Variants in SLC14A2 observed in about 807,000 individuals in gnomAD.
SLC14A2 encodes the protein solute carrier family 14 member 2.
In SLC14A2, 91 loss-of-function variants were observed where a neutral mutation model predicts 104.6. The ratio of observed to expected loss-of-function variants is 0.87; its 90% CI spans 0.73 to 1.04. The LOEUF (loss-of-function observed/expected upper bound fraction) is 1.04. Ranked by LOEUF, SLC14A2 falls within the 50% of genes least tolerant of loss-of-function variation. SLC14A2 has a pLI of 0.00. For synonymous variants in SLC14A2, 476 were observed against 466.4 expected, an observed-to-expected ratio of 1.02 and a Z score of -0.27; for missense variants, 1,189 against 1,156.0, an observed-to-expected ratio of 1.03 and a Z score of -0.41.
chr18:45,445,270 C>A (rs1483139317), intron 1 of SLC14A2, among the ~76,000 whole-genome samples: 1 of 152,000 alleles, frequency 6.6e-6, no homozygotes, highest in Non-Finnish European at 1.5e-5. Context: ...CACCACCATG[C>A]CTGGCTAATT....
At chr18:45,670,467 C>T (rs2046112839) in intron 16 of SLC14A2, among the ~76,000 whole-genome samples, 1 of 152,174 alleles carries the variant, frequency 6.6e-6, no homozygotes, top group Admixed American at 6.5e-5. Context: ...GGCGCTCACT[C>T]TGAGACTTCG....
At position 45,343,045 on chromosome 18, in the gene SLC14A2, G is replaced by A. The variant is rs1479076481; in HGVS notation, c.-125+129854G>A. Among the ~76,000 whole-genome samples the A allele has an allele frequency of 6.6e-5, 10 of 152,190 alleles. No individual in the cohort carries two copies. The East Asian group carries it at 1.4e-3, about 21-fold the overall frequency. On this transcript the variant is annotated intron_variant, in intron 1 of 20. Coordinates refer to the SLC14A2 transcript ENST00000586448. ...ATGAGTTGCCAAGACTAGCAGTAGC[G>A]GGAGGCCAGAAAACTGGATAGAGGA... is the stretch of plus-strand genomic sequence containing the variant.
At chr18:45,223,701 C>T (rs1329705880) in intron 1 of SLC14A2, among the ~76,000 whole-genome samples, 1 of 152,182 alleles carries the variant, frequency 6.6e-6, no homozygotes, top group African/African-American at 2.4e-5. Flanking sequence ...GGTGCCCTCT[C>T]CTAGCTCCCT....
In SLC14A2 at chr18:45,514,143, T is replaced by C. The variant is rs1254321791; in HGVS notation, c.-35+30821T>C. ...CCATTCTTACACTGCTATAAAGACA[T>C]GCCTGAGACTGGGTAATTTACAAGG... On this transcript the variant is annotated intron_variant, in intron 2 of 20. Coordinates refer to the SLC14A2 transcript ENST00000586448. Among the ~76,000 whole-genome samples, 4 of 152,192 alleles carry C rather than the reference T, an allele frequency of 2.6e-5. No homozygotes were observed. The South Asian group carries it at 8.3e-4, about 32-fold the overall frequency.
chr18:45,230,915 T>G (rs2084168258), intron 1 of SLC14A2, among the ~76,000 whole-genome samples: 1 of 152,228 alleles, frequency 6.6e-6, no homozygotes, highest in South Asian at 2.1e-4. Context: ...TTTGAGTTAA[T>G]ACCTCAGGCA....
In SLC14A2 at chr18:45,284,865, G is replaced by A. The variant is rs2084797817; in HGVS notation, c.-125+71674G>A. ...TGATGAGGGAAGAGACAGAGGGAAA[G>A]GGAAAGAAACATTCAGAAGAGGAGG... On this transcript the variant is annotated intron_variant, in intron 1 of 20. Coordinates refer to the SLC14A2 transcript ENST00000586448. 2.0e-5 allele frequency among the ~76,000 whole-genome samples: 3 copies of A among 152,300 alleles called. No homozygotes were observed. The South Asian group carries it at 6.2e-4, about 32-fold the overall frequency.
chr18:45,663,985 C>A, intron 11 of SLC14A2, 78 bp downstream of exon 11: 1 of 1,441,292 alleles, frequency 6.9e-7, no homozygotes. Flanking sequence ...GCAATACCTA[C>A]TTCACAGGGT....
At chr18:45,332,252 G>A (rs555979800) in intron 1 of SLC14A2, among the ~76,000 whole-genome samples, 1 of 152,002 alleles carries the variant, frequency 6.6e-6, no homozygotes, top group African/African-American at 2.4e-5. Flanking sequence ...ACCAACTGTG[G>A]ATCAAAAATA....
intron 1 of SLC14A2, among the ~76,000 whole-genome samples, chr18:45,389,181 C>T (rs868256143): frequency 6.6e-6 from 1 of 152,184 alleles, no homozygotes; most frequent in Non-Finnish European, 1.5e-5. Flanking sequence ...TTCTGACCAG[C>T]TATTGGGCTG....
At chr18:45,175,017 C>T in the SLC14A2 span, among the ~76,000 whole-genome samples, 2 of 152,106 alleles carry the variant, frequency 1.3e-5, no homozygotes, top group South Asian at 4.1e-4. Flanking sequence ...TTAGACATTG[C>T]TGGTGGGAAT....
At chr18:45,463,815 C>A (rs968509178) in intron 1 of SLC14A2, among the ~76,000 whole-genome samples, 1 of 152,152 alleles carries the variant, frequency 6.6e-6, no homozygotes, top group African/African-American at 2.4e-5. Flanking sequence ...CATGGCAGAC[C>A]CTTGGCAAAA....
At chr18:45,444,428 A>G (rs2086730731) in intron 1 of SLC14A2, among the ~76,000 whole-genome samples, 1 of 152,222 alleles carries the variant, frequency 6.6e-6, no homozygotes, top group Admixed American at 6.5e-5. Context: ...ATTCTGCTGA[A>G]TTCTGTCATG....
chr18:45,289,087 A>G (rs2084843943), intron 1 of SLC14A2, among the ~76,000 whole-genome samples: 1 of 152,210 alleles, frequency 6.6e-6, no homozygotes, highest in Admixed American at 6.5e-5. Flanking sequence ...AGCCACCTCA[A>G]CAAGAACAGC....
At chr18:45,199,405 C>T in the SLC14A2 span, among the ~76,000 whole-genome samples, 1 of 152,038 alleles carries the variant, frequency 6.6e-6, no homozygotes, top group African/African-American at 2.4e-5. Context: ...CTGTTAATTT[C>T]TCTGTCATTT....
chr18:45,587,308 A>G (rs531668410), intron 2 of SLC14A2, among the ~76,000 whole-genome samples: 1 of 152,354 alleles, frequency 6.6e-6, no homozygotes, highest in African/African-American at 2.4e-5. Flanking sequence ...CAGTATGTTA[A>G]CTATACTAAT....
chr18:45,465,656 T>C (rs959427816), intron 1 of SLC14A2, among the ~76,000 whole-genome samples: 1 of 152,004 alleles, frequency 6.6e-6, no homozygotes, highest in Non-Finnish European at 1.5e-5. Context: ...CATGAAAGCA[T>C]GCCTGGGACA....
At chr18:45,496,765 A>G (rs2043105499) in intron 2 of SLC14A2, among the ~76,000 whole-genome samples, 1 of 151,886 alleles carries the variant, frequency 6.6e-6, no homozygotes, top group Non-Finnish European at 1.5e-5. Context: ...CCTAGGCAAC[A>G]AGAGCAAGAC....
rs191911099 is a variant in SLC14A2, at chr18:45,622,011, G to A, written c.-34-2620G>A. ...GGGCCTGGAGTCATGGAGCCAGAAA[G>A]CAAGGGACTCACTAAAGCACAGTGG... On this transcript the variant is annotated intron_variant, in intron 1 of 19. Transcript: ENST00000255226. Among the ~76,000 whole-genome samples the A allele has an allele frequency of 3.2e-4, 48 of 152,318 alleles. No homozygotes were observed. In the East Asian group the frequency reaches 8.3e-3, roughly 26 times the overall value.
intron 1 of SLC14A2, among the ~76,000 whole-genome samples, chr18:45,213,715 T>C (rs1276883004): frequency 6.7e-6 from 1 of 149,670 alleles, no homozygotes; most frequent in Non-Finnish European, 1.5e-5. Context: ...GTACATGCTA[T>C]TAAAAACCAG....
Sources: gnomAD v4.1 joint callset for allele counts (sites outside exome capture counted in the v4.1 genomes callset) on GRCh38, gnomAD v4.1.1 for gene constraint, MANE v1.5 for transcripts, NCBI Gene and HGNC (gene_info 2026-07-23, HGNC 2026-07-21) for gene names.